Variants in ATG2B observed in about 807,000 individuals in gnomAD.
ATG2B encodes the protein autophagy related 2B.
ATG2B carries 121 observed loss-of-function variants against 241.3 expected under a neutral mutation model. The ratio of observed to expected loss-of-function variants is 0.50; its 90% CI spans 0.43 to 0.58. The LOEUF is 0.58. Among genes scored for constraint, ATG2B ranks in the 20% least tolerant of loss-of-function variants. ATG2B has a pLI of 0.00. For synonymous variants in ATG2B, 858 were observed against 876.6 expected (o/e 0.98, Z 0.37); for missense variants, 2,306 against 2,491.6 (o/e 0.93, Z 1.59).
intron 1 of ATG2B, among the ~76,000 whole-genome samples, chr14:96,359,709 C>T (rs989285562): frequency 6.6e-6 from 1 of 152,178 alleles, no homozygotes; most frequent in Non-Finnish European, 1.5e-5. Flanking sequence ...ACAGTCTATT[C>T]CAATGATGGA....
At chr14:96,319,096 C>G (rs1401393940) in intron 18 of ATG2B, among the ~76,000 whole-genome samples, 1 of 152,216 alleles carries the variant, frequency 6.6e-6, no homozygotes, top group Non-Finnish European at 1.5e-5. Context: ...CGTGGTGAGG[C>G]AGCCCTGCCC....
intron 38 of ATG2B, 72 bp from the exon 39 acceptor site, chr14:96,291,007 T>C: frequency 7.3e-7 from 1 of 1,379,126 alleles, no homozygotes; most frequent in Non-Finnish European, 9.7e-7. Context: ...TGAGGGTTTT[T>C]TTTTACTTAA....
intron 34 of ATG2B, 114 bp from the exon 35 acceptor site, chr14:96,295,674 C>T (rs1029275707): frequency 3.3e-6 from 2 of 598,018 alleles, no homozygotes; most frequent in African/African-American, 3.9e-5. Context: ...AATATAGCTA[C>T]AATTTATTGA....
intron 10 of ATG2B, 107 bp downstream of exon 10, chr14:96,332,198 T>TA: frequency 1.2e-6 from 1 of 836,400 alleles, no homozygotes; most frequent in Non-Finnish European, 1.9e-6. Flanking sequence ...CTGAACTTTG[T>TA]AAATGGCCAA....
chr14:96,303,160 C>T lies in ATG2B; in HGVS notation c.4938G>A (p.Gln1646=), dbSNP rs1886839885. 3 of 1,613,396 alleles carry T rather than the reference C, an allele frequency of 1.9e-6. No homozygotes were observed. Among genetic ancestry groups the T allele is most frequent in the East Asian group, 2.2e-5 (1 of 44,816 alleles). ...HPVSRQVFIV[Q]DLEIRDRLAT... is the part of the protein sequence containing the mutation. Reference sequence around the variant, plus strand: ...CCAAACGATCTCGAATCTCAAGATCCTGAACAATGAACACCTGCCGGGAGA... The same window carrying T: ...CCAAACGATCTCGAATCTCAAGATCTTGAACAATGAACACCTGCCGGGAGA... The change falls in exon 33 of 42, where the codon CAG becomes CAA. Residue 1646 remains glutamine, a synonymous_variant. Transcript: ENST00000359933.
At chr14:96,359,201 G>A (rs1237057885) in intron 1 of ATG2B, among the ~76,000 whole-genome samples, 1 of 151,868 alleles carries the variant, frequency 6.6e-6, no homozygotes, top group Non-Finnish European at 1.5e-5. Flanking sequence ...GCGAAATCCC[G>A]TCTCTACAAA....
intron 13 of ATG2B, 59 bp downstream of exon 13, chr14:96,328,615 G>A: frequency 6.5e-7 from 1 of 1,548,604 alleles, no homozygotes; most frequent in South Asian, 1.2e-5. Flanking sequence ...TTATAATTGT[G>A]ACAAAATATA....
chr14:96,336,213 T>A (rs528377978), intron 6 of ATG2B, among the ~76,000 whole-genome samples: 1 of 151,734 alleles, frequency 6.6e-6, no homozygotes, highest in South Asian at 2.1e-4. Flanking sequence ...TTGAAAGAGT[T>A]AAGGCTAATG....
intron 1 of ATG2B, among the ~76,000 whole-genome samples, chr14:96,350,157 A>G (rs1399663669): frequency 1.3e-5 from 2 of 152,190 alleles, no homozygotes; most frequent in East Asian, 1.9e-4. Context: ...CCCTGTCTCA[A>G]AAAAATAATA....
chr14:96,282,672 T>G lies in ATG2B; in HGVS notation c.*3083A>C, dbSNP rs1334134879. ...TGTCTGCATTCCGGTGGAAGCGGCATGCTGCCTTTGGACAAACAGCCTCTG... is the reference window on the plus strand; with the variant it reads ...TGTCTGCATTCCGGTGGAAGCGGCAGGCTGCCTTTGGACAAACAGCCTCTG... On this transcript the variant is annotated 3_prime_UTR_variant, in exon 42 of 42. Coordinates refer to ENST00000359933, the MANE Select transcript of ATG2B (RefSeq NM_018036.7). 6.6e-6 allele frequency: 1 copy of G among 152,282 alleles called. No homozygotes were observed. Among genetic ancestry groups the G allele is most frequent in the Non-Finnish European group, 1.5e-5 (1 of 68,054 alleles). 9.4% of individuals were successfully genotyped at this position (152,282 alleles called of 1,614,324 possible). A position where few individuals can be genotyped will look rare whatever the true frequency, so the allele number is the denominator to read the frequency against.
intron 18 of ATG2B, among the ~76,000 whole-genome samples, chr14:96,320,117 T>C (rs1887421190): frequency 1.3e-5 from 2 of 152,144 alleles, no homozygotes; most frequent in African/African-American, 4.8e-5. Flanking sequence ...ACTCCCTGAC[T>C]TAAGCAGTCA....
Position 96,313,371 on chromosome 14 carries a change from G to T in ATG2B, c.3707C>A (p.Thr1236Lys), listed in dbSNP as rs1214944796. Residue 1236 changes from threonine (T) to lysine (K), a missense_variant, in exon 24 of 42, where the codon ACA (threonine) becomes AAA (lysine). By Grantham distance (78) the Thr-to-Lys change is moderately conservative. Transcript: ENST00000359933. ...VLGYNPPTSF[T>K]TFHVHLWSCA... ...GCTCCAAAGATGAACATGAAAAGTT[G>T]TAAATGAAGTTGGAGGATTATATCC... The T allele has an allele frequency of 6.3e-7, 1 of 1,597,490 alleles. No homozygotes were observed. Among genetic ancestry groups the T allele is most frequent in the East Asian group, 2.2e-5 (1 of 44,550 alleles).
chr14:96,357,684 GT>G (rs140990320), intron 1 of ATG2B, among the ~76,000 whole-genome samples: 27 of 145,650 alleles, frequency 1.9e-4, no homozygotes, highest in South Asian at 4.3e-4. Context: ...TTTTTTCATA[GT>G]TTTTTTTTTT....
At chr14:96,324,097 C>T (rs1181308944) in intron 15 of ATG2B, 99 bp from the exon 16 acceptor site, 9 of 749,456 alleles carry the variant, frequency 1.2e-5, no homozygotes, top group Non-Finnish European at 1.9e-5. Context: ...CATAATGCAA[C>T]CTTAAGTTCT....
At chr14:96,356,952 T>C (rs533576432) in intron 1 of ATG2B, among the ~76,000 whole-genome samples, 1 of 152,212 alleles carries the variant, frequency 6.6e-6, no homozygotes. Context: ...TAATAAATGA[T>C]CATTATTATT....
intron 1 of ATG2B, 88 bp downstream of exon 1, chr14:96,362,723 GGACT>G (rs1344763925): frequency 7.0e-6 from 9 of 1,292,482 alleles, no homozygotes; most frequent in South Asian, 1.4e-5. Flanking sequence ...TCCCAAGGAG[GGACT>G]GACTGTCACC....
At chr14:96,303,518 A>T (rs1421072742) in intron 32 of ATG2B, among the ~76,000 whole-genome samples, 1 of 152,190 alleles carries the variant, frequency 6.6e-6, no homozygotes, top group Non-Finnish European at 1.5e-5. Flanking sequence ...AAAATATTTC[A>T]GTATTTTGAA....
At position 96,308,222 on chromosome 14, in the gene ATG2B, ATATATATAC is replaced by A. The variant is rs1566719544; in HGVS notation, c.4303+1222_4303+1230del. Among the ~76,000 whole-genome samples, 20 of 28,246 alleles carry A rather than the reference ATATATATAC, an allele frequency of 7.1e-4. 1 individual carries two copies. The highest frequency in any genetic ancestry group is 1.4e-3 in the Non-Finnish European group (18 of 13,008). The allele number at this position is 28,246 out of a possible 152,430, so 18.5% of individuals were successfully genotyped here. A position where few individuals can be genotyped will look rare whatever the true frequency, so the allele number is the denominator to read the frequency against. ...TACATATATATATAAATACATAAAT[ATATATATAC>A]ATATATATATATATATATATACACA... On this transcript the variant is annotated intron_variant, in intron 29 of 41. Transcript: ENST00000359933.
intron 6 of ATG2B, among the ~76,000 whole-genome samples, chr14:96,340,709 T>TC: frequency 6.6e-6 from 1 of 152,084 alleles, no homozygotes; most frequent in Admixed American, 6.5e-5. Flanking sequence ...GCCCAGGAGT[T>TC]CAAGACCAGC....
Sources: gnomAD v4.1 joint callset for allele counts (sites outside exome capture counted in the v4.1 genomes callset) on GRCh38, gnomAD v4.1.1 for gene constraint, MANE v1.5 for transcripts, NCBI Gene and HGNC (gene_info 2026-07-23, HGNC 2026-07-21) for gene names.